Variants in MYT1L observed in about 807,000 individuals in gnomAD.
The protein encoded by MYT1L is myelin transcription factor 1 like.
In MYT1L, 12 loss-of-function variants were observed where a neutral mutation model predicts 126.7. The observed-to-expected ratio is 0.09, with a 90% CI of 0.06 to 0.15. The LOEUF (loss-of-function observed/expected upper bound fraction) is 0.15. Ranked by LOEUF, MYT1L falls within the 10% of genes least tolerant of loss-of-function variation. MYT1L has a pLI of 1.00. For synonymous variants in MYT1L, 541 were observed against 604.2 expected (o/e 0.90, Z 1.53); for missense variants, 979 against 1,585.2 (o/e 0.62, Z 6.49).
chr2:1,827,757 G>A (rs1426845126), intron 21 of MYT1L: 2 of 152,130 alleles, frequency 1.3e-5, no homozygotes, highest in Non-Finnish European at 2.9e-5. Flanking sequence ...GACAGGGAGA[G>A]CGAGGACCCC....
chr2:2,320,914 C>T (rs2096152643), intron 1 of MYT1L, among the ~76,000 whole-genome samples: 1 of 152,210 alleles, frequency 6.6e-6, no homozygotes, highest in South Asian at 2.1e-4. Context: ...TGATGAGCAA[C>T]GCTTTCCACG....
At chr2:1,896,280 T>C (rs1384035144) in intron 14 of MYT1L, among the ~76,000 whole-genome samples, 1 of 152,116 alleles carries the variant, frequency 6.6e-6, no homozygotes, top group Non-Finnish European at 1.5e-5. Flanking sequence ...AGTTTGAAGT[T>C]TTCCCAAAGC....
At chr2:1,956,247 ATTCTATATTTCCTAT>A (rs2058365693) in intron 8 of MYT1L, among the ~76,000 whole-genome samples, 2 of 133,910 alleles carry the variant, frequency 1.5e-5, no homozygotes, top group African/African-American at 5.8e-5. Context: ...TATCTATCCT[ATTCTATATTTCCTAT>A]TCTATCTGTC....
chr2:2,021,625 C>T (rs561699149), intron 4 of MYT1L, among the ~76,000 whole-genome samples: 4 of 152,314 alleles, frequency 2.6e-5, no homozygotes, highest in East Asian at 3.9e-4. Context: ...CAGCCGGGCG[C>T]GGTGGCCCAC....
intron 8 of MYT1L, among the ~76,000 whole-genome samples, chr2:1,966,931 T>C (rs921713979): frequency 6.6e-6 from 1 of 152,160 alleles, no homozygotes; most frequent in East Asian, 1.9e-4. Flanking sequence ...TTTGAAACAA[T>C]AGATTATTTT....
chr2:1,948,570 G>A (rs915974343), intron 8 of MYT1L, among the ~76,000 whole-genome samples: 1 of 152,236 alleles, frequency 6.6e-6, no homozygotes, highest in Non-Finnish European at 1.5e-5. Context: ...TGAGTTTGGG[G>A]AGTGTGTATC....
intron 3 of MYT1L, among the ~76,000 whole-genome samples, chr2:2,103,289 T>A (rs189541037): frequency 6.2e-4 from 94 of 152,314 alleles, no homozygotes; most frequent in Middle Eastern, 3.4e-3. Context: ...AATGAGGTTA[T>A]CCCAGCCTTT....
At chr2:2,152,504 G>A (rs1304256654) in intron 3 of MYT1L, among the ~76,000 whole-genome samples, 3 of 152,180 alleles carry the variant, frequency 2.0e-5, no homozygotes, top group Non-Finnish European at 4.4e-5. Flanking sequence ...TCTGAGGGAG[G>A]GGCAGGGTCA....
At chr2:2,012,534 G>T (rs1004499068) in intron 4 of MYT1L, among the ~76,000 whole-genome samples, 1 of 152,158 alleles carries the variant, frequency 6.6e-6, no homozygotes, top group Non-Finnish European at 1.5e-5. Flanking sequence ...GGTGATACTT[G>T]TTTGTATCTG....
At chr2:2,151,931 C>A (rs996914790) in intron 3 of MYT1L, among the ~76,000 whole-genome samples, 1 of 152,142 alleles carries the variant, frequency 6.6e-6, no homozygotes, top group Non-Finnish European at 1.5e-5. Flanking sequence ...TGGCAGGTGC[C>A]TGTAATCCCA....
chr2:2,167,082 T>C (rs1375533604), intron 3 of MYT1L, among the ~76,000 whole-genome samples: 1 of 152,130 alleles, frequency 6.6e-6, no homozygotes, highest in African/African-American at 2.4e-5. Flanking sequence ...GGGTTCTTTA[T>C]GAATAATAAT....
intron 18 of MYT1L, among the ~76,000 whole-genome samples, chr2:1,863,892 C>T (rs1412648519): frequency 6.6e-6 from 1 of 152,188 alleles, no homozygotes; most frequent in Non-Finnish European, 1.5e-5. Flanking sequence ...GACTCCCTCT[C>T]GGGAGGAGCC....
At chr2:1,824,621 T>A (rs2039036519) in intron 21 of MYT1L, 2 of 152,234 alleles carry the variant, frequency 1.3e-5, no homozygotes, top group South Asian at 4.1e-4. Flanking sequence ...CCTCTGCGGC[T>A]CCTTTGGGGA....
chr2:2,132,647 G>A (rs749704013), intron 3 of MYT1L, among the ~76,000 whole-genome samples: 2 of 152,058 alleles, frequency 1.3e-5, no homozygotes, highest in Non-Finnish European at 2.9e-5. Flanking sequence ...CCTAGATGAT[G>A]GGTTGGTAAG....
intron 10 of MYT1L, among the ~76,000 whole-genome samples, chr2:1,918,165 T>TA (rs918763268): frequency 2.6e-5 from 4 of 151,622 alleles, no homozygotes; most frequent in African/African-American, 9.7e-5. Flanking sequence ...GAGCTTCGGT[T>TA]AAAAAAAAAT....
In MYT1L at chr2:1,817,756, C is replaced by CA. The variant is rs774270440; in HGVS notation, c.3081-8590dup. ...CTCGGGAAAGTCCACACACCTGGCTCAGCCAAGGAGGTCAGCCCACGGCTG... is the reference window on the plus strand; with the variant it reads ...CTCGGGAAAGTCCACACACCTGGCTCAAGCCAAGGAGGTCAGCCCACGGCTG... On this transcript the variant is annotated intron_variant, in intron 21 of 24. Transcript: ENST00000647738. Among the ~76,000 whole-genome samples, 15 of 152,326 alleles carry CA rather than the reference C, an allele frequency of 9.8e-5. No individual in the cohort carries two copies. In the East Asian group the frequency reaches 2.7e-3, roughly 27 times the overall value.
At chr2:1,950,180 G>C (rs2057616378) in intron 8 of MYT1L, among the ~76,000 whole-genome samples, 1 of 152,036 alleles carries the variant, frequency 6.6e-6, no homozygotes, top group African/African-American at 2.4e-5. Flanking sequence ...CTGAGTAACA[G>C]TGGAGGAGGT....
At chr2:2,181,253 C>T (rs1487115726) in intron 2 of MYT1L, among the ~76,000 whole-genome samples, 1 of 151,712 alleles carries the variant, frequency 6.6e-6, no homozygotes, top group African/African-American at 2.4e-5. Flanking sequence ...TGTGTGTGCA[C>T]ATGTATCTGT....
At chr2:2,305,081 T>A (rs1437885418) in intron 1 of MYT1L, among the ~76,000 whole-genome samples, 1 of 152,260 alleles carries the variant, frequency 6.6e-6, no homozygotes, top group Non-Finnish European at 1.5e-5. Context: ...TAAAACATTT[T>A]TTAAGTTTAT....
Sources: gnomAD v4.1 joint callset for allele counts (sites outside exome capture counted in the v4.1 genomes callset) on GRCh38, gnomAD v4.1.1 for gene constraint, MANE v1.5 for transcripts, NCBI Gene and HGNC (gene_info 2026-07-23, HGNC 2026-07-21) for gene names.